ROBO1: variants seen among roughly 807,000 people sequenced by gnomAD.
ROBO1 encodes roundabout homolog 1.
A neutral mutation model predicts 195.9 loss-of-function variants in ROBO1; 149 were observed. That is an observed-to-expected ratio of 0.76 (90% CI 0.67 to 0.87). The LOEUF (loss-of-function observed/expected upper bound fraction) is 0.87. ROBO1 is among the 40% of genes least tolerant of loss of function. The pLI is 0.00. For missense variants in ROBO1, 1,933 were observed against 2,068.3 expected, an observed-to-expected ratio of 0.93 and a Z score of 1.27; for synonymous variants, 816 against 733.2, an observed-to-expected ratio of 1.11 and a Z score of -1.82.
At chr3:79,233,110 A>C (rs2082348960) in intron 2 of ROBO1, among the ~76,000 whole-genome samples, 1 of 152,134 alleles carries the variant, frequency 6.6e-6, no homozygotes, top group Non-Finnish European at 1.5e-5. Context: ...ATTTTTTCTC[A>C]ATAAGTATAT....
At chr3:79,702,452 G>A (rs1198007308) in intron 1 of ROBO1, among the ~76,000 whole-genome samples, 2 of 151,774 alleles carry the variant, frequency 1.3e-5, no homozygotes, top group African/African-American at 4.8e-5. Context: ...TAAATCTTGT[G>A]CTGGTTATTT....
intron 4 of ROBO1, chr3:78,937,986 A>AGT (rs1429469217): frequency 1.6e-5 from 2 of 126,772 alleles, no homozygotes; most frequent in Non-Finnish European, 3.2e-5. Flanking sequence ...TAAGAGAGAG[A>AGT]GTGAGTGTGT....
chr3:78,712,017 C>CAAAAAAAAAAAAAAA (rs56267632), intron 8 of ROBO1, among the ~76,000 whole-genome samples: 7 of 76,416 alleles, frequency 9.2e-5, no homozygotes, highest in Non-Finnish European at 1.5e-4. Flanking sequence ...AAGACCTTGG[C>CAAAAAAAAAAAAAAA]AAAAAAAAAA....
intron 2 of ROBO1, among the ~76,000 whole-genome samples, chr3:79,480,661 T>C (rs929975379): frequency 4.6e-5 from 7 of 152,258 alleles, no homozygotes; most frequent in East Asian, 1.9e-4. Context: ...CAAATATAAA[T>C]TATTAAGATT....
At chr3:79,726,467 A>G (rs1702930384) in intron 1 of ROBO1, among the ~76,000 whole-genome samples, 1 of 152,232 alleles carries the variant, frequency 6.6e-6, no homozygotes, top group Admixed American at 6.5e-5. Flanking sequence ...ATTTAAATAA[A>G]TGCTTGATGT....
intron 3 of ROBO1, chr3:79,019,529 T>C (rs1418683278): frequency 1.0e-6 from 1 of 985,894 alleles, no homozygotes; most frequent in African/African-American, 1.7e-5. Context: ...CCGATAATAC[T>C]TAAAGGGGCC....
chr3:79,385,411 T>C (rs1316270752), intron 2 of ROBO1, among the ~76,000 whole-genome samples: 1 of 152,118 alleles, frequency 6.6e-6, no homozygotes, highest in African/African-American at 2.4e-5. Flanking sequence ...GTGTGGTATG[T>C]TGGTGAAGAT....
rs559920513 is a variant in ROBO1 at position 79,386,724 on chromosome 3, C to T, written c.88+203100G>A. On this transcript the variant is annotated intron_variant, in intron 2 of 30. Transcript: ENST00000464233. ...AAACAATACTTCCAAATAAATGCTG[C>T]CTGTACTAAGATGAATAGATGAGAA... Among the ~76,000 whole-genome samples, 17 of 152,160 alleles carry T rather than the reference C, an allele frequency of 1.1e-4. No homozygotes were observed. In the South Asian group the frequency reaches 3.5e-3, roughly 32 times the overall value.
intron 4 of ROBO1, among the ~76,000 whole-genome samples, chr3:78,831,668 A>G (rs180911910): frequency 1.3e-5 from 2 of 152,306 alleles, no homozygotes; most frequent in East Asian, 1.9e-4. Flanking sequence ...CTGTTATCTC[A>G]CTGCTCATAA....
chr3:79,499,912 T>A (rs1939965604), intron 2 of ROBO1, among the ~76,000 whole-genome samples: 1 of 152,240 alleles, frequency 6.6e-6, no homozygotes, highest in South Asian at 2.1e-4. Context: ...GTTCAAGCAA[T>A]TCTCATGCCT....
chr3:78,929,815 T>G (rs2107639865), intron 4 of ROBO1, among the ~76,000 whole-genome samples: 1 of 152,128 alleles, frequency 6.6e-6, no homozygotes, highest in East Asian at 1.9e-4. Flanking sequence ...GAGAAACAAC[T>G]TCCTTATCAG....
At chr3:79,622,750 G>A (rs1165844870) in intron 1 of ROBO1, among the ~76,000 whole-genome samples, 1 of 152,168 alleles carries the variant, frequency 6.6e-6, no homozygotes, top group African/African-American at 2.4e-5. Context: ...GTAGTTCTGA[G>A]GAATCTGGGC....
intron 8 of ROBO1, among the ~76,000 whole-genome samples, chr3:78,697,119 G>T (rs2081317699): frequency 6.6e-6 from 1 of 151,662 alleles, no homozygotes; most frequent in African/African-American, 2.4e-5. Context: ...TTTTGAATGT[G>T]ATATCATAGG....
At chr3:78,895,236 C>G (rs751068631) in intron 4 of ROBO1, among the ~76,000 whole-genome samples, 1 of 151,862 alleles carries the variant, frequency 6.6e-6, no homozygotes, top group African/African-American at 2.4e-5. Context: ...TCCAGGCTTT[C>G]GTTGAAGACC....
intron 3 of ROBO1, among the ~76,000 whole-genome samples, chr3:79,024,083 T>G (rs777771955): frequency 3.3e-5 from 5 of 152,244 alleles, no homozygotes; most frequent in Middle Eastern, 3.4e-3. Context: ...CACCAGATGA[T>G]GTACTCCAGC....
rs151208291 is a variant in ROBO1 at position 79,290,312 on chromosome 3, G to T, written c.89-164773C>A. ...CTCCCAAAGTGCTGGGATTACAGGA[G>T]TGAGCTACTGTGCCTGGCCTACCTC... is the stretch of plus-strand genomic sequence containing the variant. On this transcript the variant is annotated intron_variant, in intron 2 of 30. Coordinates refer to ENST00000464233, the MANE Select transcript of ROBO1 (RefSeq NM_002941.4). 8.9e-4 allele frequency among the ~76,000 whole-genome samples: 136 copies of T among 152,124 alleles called. 3 individuals are homozygous for T. The East Asian group carries it at 0.025, about 27-fold the overall frequency.
At position 79,684,290 on chromosome 3, in the gene ROBO1, T is replaced by C. The variant is rs1047404270; in HGVS notation, c.-51+83462A>G. Among the ~76,000 whole-genome samples, 4 of 152,292 alleles carry C rather than the reference T, an allele frequency of 2.6e-5. No homozygotes were observed. In the East Asian group the frequency reaches 7.7e-4, roughly 29 times the overall value. ...TATTAAAACCCTTTGCCCAGTTTTA[T>C]TGGGTTATTTTCCCTTACATAAACA... is the stretch of plus-strand genomic sequence containing the variant. On this transcript the variant is annotated intron_variant, in intron 1 of 30. Coordinates refer to ENST00000464233, the MANE Select transcript of ROBO1 (RefSeq NM_002941.4).
intron 2 of ROBO1, among the ~76,000 whole-genome samples, chr3:79,360,062 T>A (rs556661795): frequency 1.3e-5 from 2 of 152,166 alleles, no homozygotes; most frequent in East Asian, 3.9e-4. Flanking sequence ...GACAATAGCA[T>A]GAGCGATTAT....
intron 3 of ROBO1, among the ~76,000 whole-genome samples, chr3:79,080,267 G>A (rs532871208): frequency 2.4e-4 from 36 of 151,326 alleles, no homozygotes; most frequent in Non-Finnish European, 3.7e-4. Context: ...TTTTGGTACC[G>A]GTAGTTTATT....
Sources: allele counts gnomAD v4.1 joint callset (sites outside exome capture counted in the v4.1 genomes callset), GRCh38; gene constraint gnomAD v4.1.1; transcripts MANE v1.5; gene names NCBI Gene and HGNC (gene_info 2026-07-23, HGNC 2026-07-21).